PPP5C: variants seen among roughly 807,000 people sequenced by gnomAD.
PPP5C encodes the protein protein phosphatase 5 catalytic subunit, also known as serine/threonine-protein phosphatase 5.
PPP5C carries 21 observed loss-of-function variants against 66.7 expected under a neutral mutation model. The observed-to-expected ratio is 0.31, with a 90% CI of 0.22 to 0.45. The LOEUF is 0.45. Among genes scored for constraint, PPP5C ranks in the 20% least tolerant of loss-of-function variants. The pLI is 1.00. For synonymous variants in PPP5C, 246 were observed against 257.4 expected (o/e 0.96, Z 0.43); for missense variants, 464 against 675.9 (o/e 0.69, Z 3.48).
intron 2 of PPP5C, among the ~76,000 whole-genome samples, chr19:46,372,566 G>C (rs193243543): frequency 6.6e-6 from 1 of 152,182 alleles, no homozygotes; most frequent in South Asian, 2.1e-4. Context: ...CCAAATACAC[G>C]CAGCCCCCAG....
intron 2 of PPP5C, among the ~76,000 whole-genome samples, chr19:46,371,417 A>G (rs1972589668): frequency 6.6e-6 from 1 of 152,158 alleles, no homozygotes. Context: ...TGTGACCTTC[A>G]TGCAGTAATA....
chr19:46,351,720 C>A (rs989723252), intron 1 of PPP5C, among the ~76,000 whole-genome samples: 1 of 152,216 alleles, frequency 6.6e-6, no homozygotes, highest in Non-Finnish European at 1.5e-5. Context: ...CTGGGCTGCC[C>A]AGTTCTGCCC....
rs775634557 is a variant in PPP5C, at chr19:46,347,157, G to C, written c.61G>C (p.Ala21Pro). 1 of 1,605,462 alleles carries C rather than the reference G, an allele frequency of 6.2e-7. No homozygotes were observed. Among genetic ancestry groups the C allele is most frequent in the Non-Finnish European group, 8.5e-7 (1 of 1,176,408 alleles). Residue 21 changes from alanine (A) to proline (P), a missense_variant, in exon 1 of 13, where the codon GCT becomes CCT. Around this residue, in one of 2 missense-constraint regions of PPP5C, gnomAD observed 77 missense variants for 49.9 expected, o/e 1.54. Transcript: ENST00000012443. The part of the protein sequence containing the change: ...CAEPPRDEPP[A>P]DGALKRAEEL... ...TGAGCCCCCCCGGGACGAACCCCCGGCTGATGGAGCTCTGAAGCGGGCAGA... is the reference window on the plus strand; with the variant it reads ...TGAGCCCCCCCGGGACGAACCCCCGCCTGATGGAGCTCTGAAGCGGGCAGA...
Position 46,390,675 on chromosome 19 carries a change from A to C in PPP5C, c.*329A>C, listed in dbSNP as rs1973005012. 1 of 1,223,152 alleles carries C rather than the reference A, an allele frequency of 8.2e-7. No individual in the cohort carries two copies. The highest frequency in any genetic ancestry group is 1.6e-5 in the African/African-American group (1 of 63,270). The allele number at this position is 1,223,152 out of a possible 1,614,324, so 75.8% of individuals were successfully genotyped here. ...CCCTCATTTGCATGGCTCCTCCCCC[A>C]CTCAAGCAATAGGGCCCCGCCATAG... On this transcript the variant is annotated 3_prime_UTR_variant, in exon 13 of 13. Coordinates refer to ENST00000012443, the MANE Select transcript of PPP5C (RefSeq NM_006247.4).
chr19:46,351,343 C>T (rs961566365), intron 1 of PPP5C, among the ~76,000 whole-genome samples: 4 of 152,172 alleles, frequency 2.6e-5, no homozygotes, highest in African/African-American at 4.8e-5. Flanking sequence ...TGTGGGTCGA[C>T]CCGTGGAGTA....
At chr19:46,365,556 CTCT>C (rs1972476557) in intron 2 of PPP5C, among the ~76,000 whole-genome samples, 1 of 152,218 alleles carries the variant, frequency 6.6e-6, no homozygotes, top group Non-Finnish European at 1.5e-5. Flanking sequence ...GTCTTGGAAT[CTCT>C]TATCACCTTG....
At position 46,347,119 on chromosome 19, in the gene PPP5C, G is replaced by A. The variant is rs564387287; in HGVS notation, c.23G>A (p.Arg8Lys). The change falls in exon 1 of 13, where the codon AGG (arginine) becomes AAG (lysine). Residue 8 changes from arginine (R) to lysine (K), a missense_variant. By Grantham distance (26) the Arg-to-Lys change is conservative. Coordinates refer to ENST00000012443, the MANE Select transcript of PPP5C (RefSeq NM_006247.4). The part of the protein sequence containing the change: MAMAEGE[R>K]TECAEPPRDE... ...GGCATGGCGATGGCGGAGGGCGAGAGGACTGAGTGTGCTGAGCCCCCCCGG... is the reference window on the plus strand; with the variant it reads ...GGCATGGCGATGGCGGAGGGCGAGAAGACTGAGTGTGCTGAGCCCCCCCGG... 12 of 1,604,732 alleles carry A rather than the reference G, an allele frequency of 7.5e-6. No individual in the cohort carries two copies. The highest frequency in any genetic ancestry group is 9.4e-6 in the Non-Finnish European group (11 of 1,175,996).
At chr19:46,352,801 C>G (rs1388409268) in intron 1 of PPP5C, among the ~76,000 whole-genome samples, 1 of 138,562 alleles carries the variant, frequency 7.2e-6, no homozygotes, top group Non-Finnish European at 1.5e-5. Context: ...GCCTGGGCGA[C>G]AGAGCGAGAC....
rs1568564489 is a variant in PPP5C, at chr19:46,353,911, C to T, written c.285C>T (p.Tyr95=). 1 of 1,605,464 alleles carries T rather than the reference C, an allele frequency of 6.2e-7. No homozygotes were observed. Among genetic ancestry groups the T allele is most frequent in the Admixed American group, 1.7e-5 (1 of 58,100 alleles). ...ATRAIELDKK[Y]IKGYYRRAAS... ...GGGCCATTGAGCTGGACAAGAAGTACATCAAGGGTTATTACCGCCGGGCTG... is the reference window on the plus strand; with the variant it reads ...GGGCCATTGAGCTGGACAAGAAGTATATCAAGGGTTATTACCGCCGGGCTG... Residue 95 remains tyrosine, a synonymous_variant, in exon 2 of 13, where the codon TAC becomes TAT. Coordinates refer to ENST00000012443, the MANE Select transcript of PPP5C (RefSeq NM_006247.4).
Position 46,368,097 on chromosome 19 carries a change from A to G in PPP5C, c.364-7507A>G, listed in dbSNP as rs915078353. On this transcript the variant is annotated intron_variant, in intron 2 of 12. Coordinates refer to ENST00000012443, the MANE Select transcript of PPP5C (RefSeq NM_006247.4). ...CTGCCTCTACCTAGGAAAATTGTAA[A>G]TCAAAACAGCAGCACATCCCTGGAG... is the stretch of plus-strand genomic sequence containing the variant. Among the ~76,000 whole-genome samples the G allele has an allele frequency of 7.9e-5, 12 of 152,316 alleles. No homozygotes were observed. The South Asian group carries it at 2.5e-3, about 32-fold the overall frequency.
chr19:46,390,570 C>G lies in PPP5C; in HGVS notation c.*224C>G, dbSNP rs1036614147. The stretch of plus-strand genomic sequence containing the variant: ...GACAGAGAGGAAGGAGGTGGAGCAG[C>G]TGGGGCTGGGGGCACAGCCTGGGCA... On this transcript the variant is annotated 3_prime_UTR_variant, in exon 13 of 13. Transcript: ENST00000012443. 2.5e-5 allele frequency: 34 copies of G among 1,386,854 alleles called. No homozygotes were observed. The highest frequency in any genetic ancestry group is 3.0e-5 in the Non-Finnish European group (32 of 1,067,720). 85.9% of individuals were successfully genotyped at this position (1,386,854 alleles called of 1,614,324 possible).
At chr19:46,377,768 T>A (rs12982130) in intron 4 of PPP5C, among the ~76,000 whole-genome samples, 1 of 152,252 alleles carries the variant, frequency 6.6e-6, no homozygotes. Flanking sequence ...GCGTTTAGTG[T>A]CTCTTCTTTC....
rs1162938175 is a variant in PPP5C at position 46,390,414 on chromosome 19, G to A, written c.*68G>A. On this transcript the variant is annotated 3_prime_UTR_variant, in exon 13 of 13. Coordinates refer to ENST00000012443, the MANE Select transcript of PPP5C (RefSeq NM_006247.4). ...CCACCGGACCCAGGCCCTGGGCTAG[G>A]GGCAGAGCAGGCCCCGCCCCAGGGC... 5 of 1,547,818 alleles carry A rather than the reference G, an allele frequency of 3.2e-6. No homozygotes were observed. In the African/African-American group the frequency reaches 4.1e-5, roughly 13 times the overall value.
At chr19:46,356,549 T>A (rs1976409187) in intron 2 of PPP5C, among the ~76,000 whole-genome samples, 1 of 152,204 alleles carries the variant, frequency 6.6e-6, no homozygotes, top group African/African-American at 2.4e-5. Flanking sequence ...TTTGTGCACC[T>A]GAATTCAGCC....
chr19:46,389,083 G>C (rs975346267), intron 11 of PPP5C, among the ~76,000 whole-genome samples: 1 of 152,090 alleles, frequency 6.6e-6, no homozygotes, highest in African/African-American at 2.4e-5. Context: ...CAGCACTTTG[G>C]GAGGCCGAGG....
At chr19:46,355,284 C>T (rs1217034123) in intron 2 of PPP5C, among the ~76,000 whole-genome samples, 1 of 152,106 alleles carries the variant, frequency 6.6e-6, no homozygotes, top group Non-Finnish European at 1.5e-5. Context: ...TGCCCCCCGA[C>T]ACAGACACAC....
chr19:46,367,875 T>G (rs11669810), intron 2 of PPP5C, among the ~76,000 whole-genome samples: 100,119 of 152,018 alleles, frequency 0.66, 33,466 homozygotes, highest in East Asian at 0.96. Flanking sequence ...GGCCTGGTGA[T>G]GAATGGAGTT....
At chr19:46,360,588 C>T (rs901184287) in intron 2 of PPP5C, among the ~76,000 whole-genome samples, 1 of 152,100 alleles carries the variant, frequency 6.6e-6, no homozygotes, top group Admixed American at 6.5e-5. Context: ...GCAACCACGG[C>T]CTCCTGGGCT....
Position 46,376,649 on chromosome 19 carries a change from A to G in PPP5C, c.633+75A>G. 6 of 1,567,114 alleles carry G rather than the reference A, an allele frequency of 3.8e-6. No homozygotes were observed. The highest frequency in any genetic ancestry group is 5.2e-6 in the Non-Finnish European group (6 of 1,154,556). On this transcript the variant is annotated intron_variant, in intron 4 of 12. Coordinates refer to ENST00000012443, the MANE Select transcript of PPP5C (RefSeq NM_006247.4). The surrounding 1 kb of genome is among the most constrained non-coding windows in gnomAD (Gnocchi z 5.1). ...ACAGCACTGCCAGCCGCGGGCACTGAGCAAAACGACAGGAGAAGGGCGGCC... is the reference window on the plus strand; with the variant it reads ...ACAGCACTGCCAGCCGCGGGCACTGGGCAAAACGACAGGAGAAGGGCGGCC...
Sources: allele counts gnomAD v4.1 joint callset (sites outside exome capture counted in the v4.1 genomes callset), GRCh38; gene constraint gnomAD v4.1.1; regional missense constraint gnomAD v4.1.1; non-coding constraint Gnocchi (gnomAD v3.1); transcripts MANE v1.5; gene names NCBI Gene and HGNC (gene_info 2026-07-23, HGNC 2026-07-21).